Variants in ZNF721 observed in about 807,000 individuals in gnomAD.
ZNF721 encodes the protein zinc finger protein 721.
Under a neutral mutation model 2.4 loss-of-function variants are expected in ZNF721, and 2 were observed. The observed-to-expected ratio is 0.82, with a 90% CI of 0.34 to 2.58. The LOEUF (loss-of-function observed/expected upper bound fraction) is 2.58, where lower values mean the gene tolerates loss of function less well. Among genes scored for constraint, ZNF721 ranks in the 30% most tolerant of loss-of-function variants. The pLI, the probability that ZNF721 is intolerant of heterozygous loss-of-function variation, is 0.11. For missense variants in ZNF721, 1,187 were observed against 1,085.5 expected, an observed-to-expected ratio of 1.09 and a Z score of -1.31; for synonymous variants, 398 against 381.8, an observed-to-expected ratio of 1.04 and a Z score of -0.50.
chr4:455,104 T>C (rs1318417769), intron 2 of ZNF721, among the ~76,000 whole-genome samples: 1 of 152,228 alleles, frequency 6.6e-6, no homozygotes, highest in African/African-American at 2.4e-5. Flanking sequence ...AATGTAAATA[T>C]ATGTATCTCT....
intron 2 of ZNF721, among the ~76,000 whole-genome samples, chr4:450,089 A>G (rs1553864688): frequency 6.6e-6 from 1 of 152,228 alleles, no homozygotes; most frequent in Non-Finnish European, 1.5e-5. Flanking sequence ...CACACACAGA[A>G]AAAATAATTG....
At position 444,341 on chromosome 4, in the gene ZNF721, A is replaced by C. The variant is rs782271916; in HGVS notation, c.126T>G (p.Cys42Trp). The change falls in exon 3 of 3, where the codon TGT (cysteine) becomes TGG (tryptophan). Residue 42 changes from cysteine to tryptophan, a missense_variant. Physicochemically the swap from Cys to Trp is radical, Grantham distance 215 (BLOSUM62 -2). Transcript: ENST00000511833. ...HKLILRRYEKCGHDNLQLRKG... is the reference protein window; with the variant it reads ...HKLILRRYEKWGHDNLQLRKG... ...TCCTTAATTGTAAATTATCATGCCC[A>C]CATTTCTCATATCTTCTCAGTATAA... The C allele has an allele frequency of 3.1e-6, 5 of 1,614,100 alleles. No individual in the cohort carries two copies. The highest frequency in any genetic ancestry group is 4.2e-6 in the Non-Finnish European group (5 of 1,179,988).
rs1259382502 is a variant in ZNF721 at position 442,085 on chromosome 4, TGAG to T, written c.2379_2381del (p.Ser795del). ...GAATCCTCTTATGTTTAGCAAAGCT[TGAG>T]GATGACGTAATGACTTTGCCACATT... On this transcript the variant is annotated inframe_deletion, in exon 3 of 3. Coordinates refer to ENST00000511833, the MANE Select transcript of ZNF721 (RefSeq NM_133474.4). 6.2e-7 allele frequency: 1 copy of T among 1,613,770 alleles called. No homozygotes were observed. The highest frequency in any genetic ancestry group is 8.5e-7 in the Non-Finnish European group (1 of 1,179,822).
intron 2 of ZNF721, among the ~76,000 whole-genome samples, chr4:471,944 G>C (rs1185914015): frequency 6.6e-6 from 1 of 152,242 alleles, no homozygotes; most frequent in South Asian, 2.1e-4. Context: ...TGAAGAGTAA[G>C]TCCTCACTTA....
intron 2 of ZNF721, among the ~76,000 whole-genome samples, chr4:456,578 C>G (rs891635491): frequency 6.6e-6 from 1 of 152,074 alleles, no homozygotes; most frequent in Non-Finnish European, 1.5e-5. Flanking sequence ...AATTACCATA[C>G]AAATATGAAA....
chr4:482,400 G>A (rs1164056419), intron 1 of ZNF721, among the ~76,000 whole-genome samples: 1 of 152,112 alleles, frequency 6.6e-6, no homozygotes, highest in African/African-American at 2.4e-5. Flanking sequence ...CCTGACCTCA[G>A]GGGATCCGCC....
rs782431996 is a variant in ZNF721, at chr4:444,240, G to C, written c.227C>G (p.Thr76Ser). 1.5e-5 allele frequency: 25 copies of C among 1,613,546 alleles called. No homozygotes were observed. In the East Asian group the frequency reaches 5.6e-4, roughly 36 times the overall value. The stretch of plus-strand genomic sequence containing the variant: ...ATTACATTGAAATATTTTGCTCTGA[G>C]TATTTGACAAGCATTTATTAATTCC... ...YNGINKCLSN[T>S]QSKIFQCNAR... The change falls in exon 3 of 3, where the codon ACT becomes AGT. Residue 76 changes from threonine to serine, a missense_variant. By Grantham distance (58) the Thr-to-Ser change is moderately conservative. Transcript: ENST00000511833.
intron 2 of ZNF721, among the ~76,000 whole-genome samples, chr4:446,022 G>A (rs1442469331): frequency 6.6e-6 from 1 of 152,106 alleles, no homozygotes; most frequent in Non-Finnish European, 1.5e-5. Flanking sequence ...TCCTAAAAAT[G>A]AAGAAAAAGT....
intron 2 of ZNF721, among the ~76,000 whole-genome samples, chr4:447,431 GAAGTA>G (rs1309533514): frequency 6.6e-6 from 1 of 151,820 alleles, no homozygotes; most frequent in Non-Finnish European, 1.5e-5. Context: ...CAAAAAATAA[GAAGTA>G]AAGGTGTATC....
chr4:488,502 T>C (rs1375908608), intron 1 of ZNF721, among the ~76,000 whole-genome samples: 2 of 152,196 alleles, frequency 1.3e-5, no homozygotes, highest in East Asian at 3.9e-4. Context: ...TCTCTTCCTG[T>C]GGACCCATCA....
At chr4:459,785 T>G (rs1714960658) in intron 2 of ZNF721, among the ~76,000 whole-genome samples, 1 of 150,220 alleles carries the variant, frequency 6.7e-6, no homozygotes, top group Non-Finnish European at 1.5e-5. Context: ...GAGCTGAGAT[T>G]GTGCCACTAC....
intron 1 of ZNF721, among the ~76,000 whole-genome samples, chr4:489,530 T>C (rs1715973280): frequency 6.6e-6 from 1 of 152,130 alleles, no homozygotes; most frequent in Non-Finnish European, 1.5e-5. Flanking sequence ...ACGTGGACAC[T>C]CTCAGCTTGC....
chr4:457,650 G>A (rs1714887143), intron 2 of ZNF721, among the ~76,000 whole-genome samples: 1 of 152,130 alleles, frequency 6.6e-6, no homozygotes, highest in South Asian at 2.1e-4. Flanking sequence ...ATCCTGCCCA[G>A]ACACCCACAG....
At position 474,148 on chromosome 4, in the gene ZNF721, A is replaced by G. The variant is rs916683537; in HGVS notation, c.-93-1447T>C. The G allele has an allele frequency of 9.5e-6, 7 of 737,344 alleles. No homozygotes were observed. The African/African-American group carries it at 1.1e-4, about 11-fold the overall frequency. The allele number at this position is 737,344 out of a possible 1,614,324, so 45.7% of individuals were successfully genotyped here. On this transcript the variant is annotated intron_variant, in intron 1 of 2. Coordinates refer to ENST00000511833, the MANE Select transcript of ZNF721 (RefSeq NM_133474.4). ...CGAGCTCAGGCTGAAGCAACAGGCC[A>G]AGGCCGCCGAAGATCCCGGATGCCG...
chr4:461,927 GA>G (rs1399271887), intron 2 of ZNF721, among the ~76,000 whole-genome samples: 1 of 152,196 alleles, frequency 6.6e-6, no homozygotes, highest in Non-Finnish European at 1.5e-5. Flanking sequence ...GCAAGAGAAA[GA>G]AAGAAAGGGT....
chr4:491,924 G>A lies in ZNF721; in HGVS notation c.-94+7132C>T, dbSNP rs1553871513. Among the ~76,000 whole-genome samples the A allele has an allele frequency of 2.0e-5, 3 of 152,062 alleles. 1 individual carries two copies. The East Asian group carries it at 5.8e-4, about 29-fold the overall frequency. ...AATCCCAGCACTTTGGGAGGCCAAGGCAGGCAGATCACGAGGTCAGGAGAT... is the reference window on the plus strand; with the variant it reads ...AATCCCAGCACTTTGGGAGGCCAAGACAGGCAGATCACGAGGTCAGGAGAT... On this transcript the variant is annotated intron_variant, in intron 1 of 2. Transcript: ENST00000511833.
chr4:495,894 G>A (rs1716140221), intron 1 of ZNF721, among the ~76,000 whole-genome samples: 1 of 152,120 alleles, frequency 6.6e-6, no homozygotes, highest in African/African-American at 2.4e-5. Flanking sequence ...GAGCCACTGA[G>A]CATGGCCAAA....
At chr4:466,021 G>C (rs1416900128) in intron 2 of ZNF721, among the ~76,000 whole-genome samples, 9 of 148,464 alleles carry the variant, frequency 6.1e-5, no homozygotes, top group African/African-American at 2.2e-4. Flanking sequence ...TTTTGAGGTG[G>C]AGTCTCACTC....
chr4:448,785 C>T (rs576331621), intron 2 of ZNF721, among the ~76,000 whole-genome samples: 5 of 152,296 alleles, frequency 3.3e-5, no homozygotes, highest in South Asian at 2.1e-4. Context: ...AACTCACACA[C>T]GGTCACATGA....
Sources: allele counts gnomAD v4.1 joint callset (sites outside exome capture counted in the v4.1 genomes callset), GRCh38; gene constraint gnomAD v4.1.1; transcripts MANE v1.5; gene names NCBI Gene and HGNC (gene_info 2026-07-23, HGNC 2026-07-21).